Variants in ARID5B observed in about 807,000 individuals in gnomAD.
ARID5B encodes AT-rich interactive domain-containing protein 5B.
In ARID5B, 13 loss-of-function variants were observed where a neutral mutation model predicts 97.2. The ratio of observed to expected loss-of-function variants is 0.13; its 90% CI spans 0.09 to 0.21. ARID5B has a LOEUF of 0.21. Ranked by LOEUF, ARID5B falls within the 10% of genes least tolerant of loss-of-function variation. The probability of loss-of-function intolerance (pLI) is 1.00; values close to 1 mark genes in which losing one functional copy is unlikely to be tolerated. For synonymous variants in ARID5B, 556 were observed against 570.3 expected (o/e 0.97, Z 0.36); for missense variants, 1,210 against 1,465.3 (o/e 0.83, Z 2.84).
intron 5 of ARID5B, among the ~76,000 whole-genome samples, chr10:62,052,551 C>T (rs944926249): frequency 1.3e-5 from 2 of 152,192 alleles, no homozygotes. Context: ...CTTGGAATCA[C>T]CACCAAGGTC....
At chr10:61,980,560 A>T (rs1237836545) in intron 3 of ARID5B, among the ~76,000 whole-genome samples, 1 of 152,236 alleles carries the variant, frequency 6.6e-6, no homozygotes, top group Non-Finnish European at 1.5e-5. Context: ...CTCTTAAACA[A>T]TGTTTCACGT....
chr10:61,924,458 T>C (rs1454627085), intron 2 of ARID5B, among the ~76,000 whole-genome samples: 1 of 152,238 alleles, frequency 6.6e-6, no homozygotes, highest in East Asian at 1.9e-4. Context: ...CTAGAACTTA[T>C]AAATACAAAG....
chr10:62,086,709 A>AACAC (rs1840288491), intron 9 of ARID5B, among the ~76,000 whole-genome samples: 1 of 113,978 alleles, frequency 8.8e-6, no homozygotes, highest in African/African-American at 3.2e-5. Context: ...AAAAAAAAAA[A>AACAC]AAATATCAGG....
At chr10:61,912,407 C>A (rs895111754) in intron 2 of ARID5B, among the ~76,000 whole-genome samples, 8 of 151,934 alleles carry the variant, frequency 5.3e-5, no homozygotes, top group African/African-American at 1.9e-4. Context: ...AAATTGCTAA[C>A]AGAGTAGATC....
At chr10:61,967,821 G>T (rs981059594) in intron 3 of ARID5B, among the ~76,000 whole-genome samples, 2 of 152,126 alleles carry the variant, frequency 1.3e-5, no homozygotes, top group African/African-American at 2.4e-5. Flanking sequence ...TCAACAGAAT[G>T]TTGGAAGTAC....
At chr10:61,901,927 C>G (rs1392639502) in intron 1 of ARID5B, among the ~76,000 whole-genome samples, 197 bp downstream of exon 1, 1 of 151,668 alleles carries the variant, frequency 6.6e-6, no homozygotes, top group Non-Finnish European at 1.5e-5. Context: ...GTAATTTTAC[C>G]GCCTCAAATG....
chr10:62,030,255 G>A (rs1331159472), intron 4 of ARID5B, among the ~76,000 whole-genome samples: 2 of 151,746 alleles, frequency 1.3e-5, no homozygotes, highest in South Asian at 2.1e-4. Context: ...TCAGCCTCCC[G>A]AGTAGCTGGG....
intron 5 of ARID5B, among the ~76,000 whole-genome samples, chr10:62,055,765 A>C (rs1045589563): frequency 2.0e-5 from 3 of 152,224 alleles, no homozygotes; most frequent in Non-Finnish European, 4.4e-5. Context: ...GAAAGATATT[A>C]AACTGTATGT....
At position 62,094,929 on chromosome 10, in the gene ARID5B, G is replaced by A. The variant is rs539243810; in HGVS notation, c.*1899G>A. 75 of 231,016 alleles carry A rather than the reference G, an allele frequency of 3.2e-4. No individual in the cohort carries two copies. The highest frequency in any genetic ancestry group is 1.5e-3 in the African/African-American group (66 of 45,254). The allele number at this position is 231,016 out of a possible 1,614,324, so 14.3% of individuals were successfully genotyped here. On this transcript the variant is annotated 3_prime_UTR_variant, in exon 10 of 10. Transcript: ENST00000279873. The stretch of plus-strand genomic sequence containing the variant: ...TCAAAACTGATAACAATGAAACTGC[G>A]GCTCTTAAACAAAGCCATGCATGCC...
chr10:61,918,999 A>C (rs947734157), intron 2 of ARID5B, among the ~76,000 whole-genome samples: 5 of 141,032 alleles, frequency 3.5e-5, no homozygotes. Flanking sequence ...GTGCCACTGC[A>C]CTGCAACTCC....
At chr10:62,028,402 G>A (rs1839450074) in intron 4 of ARID5B, among the ~76,000 whole-genome samples, 1 of 152,114 alleles carries the variant, frequency 6.6e-6, no homozygotes, top group Non-Finnish European at 1.5e-5. Context: ...TCTCCTTCCA[G>A]GCCACTTTGT....
At chr10:61,995,941 A>G (rs1191111667) in intron 3 of ARID5B, among the ~76,000 whole-genome samples, 2 of 152,132 alleles carry the variant, frequency 1.3e-5, no homozygotes, top group African/African-American at 2.4e-5. Context: ...TTCTGGTCCA[A>G]ACGGGAGGTT....
chr10:62,005,476 A>G (rs1839134649), intron 4 of ARID5B, among the ~76,000 whole-genome samples: 1 of 152,228 alleles, frequency 6.6e-6, no homozygotes, highest in Non-Finnish European at 1.5e-5. Flanking sequence ...TTGTTTTTCA[A>G]TCATGAAGGA....
intron 3 of ARID5B, among the ~76,000 whole-genome samples, chr10:61,980,200 G>T (rs1440582891): frequency 4.6e-5 from 7 of 152,174 alleles, no homozygotes; most frequent in African/African-American, 1.7e-4. Flanking sequence ...TGGAGGAAGG[G>T]GCTCAGGAGG....
intron 3 of ARID5B, among the ~76,000 whole-genome samples, chr10:61,997,167 AG>A (rs1839012285): frequency 6.6e-6 from 1 of 152,074 alleles, no homozygotes; most frequent in Non-Finnish European, 1.5e-5. Flanking sequence ...AGTTGAGAGT[AG>A]GGGGAACTTG....
At chr10:61,983,578 G>C (rs1838805813) in intron 3 of ARID5B, among the ~76,000 whole-genome samples, 1 of 152,034 alleles carries the variant, frequency 6.6e-6, no homozygotes, top group Non-Finnish European at 1.5e-5. Flanking sequence ...CTATTATATA[G>C]ATGTTCTCTG....
intron 2 of ARID5B, among the ~76,000 whole-genome samples, chr10:61,922,336 C>T (rs1308293208): frequency 1.3e-5 from 2 of 152,206 alleles, no homozygotes; most frequent in African/African-American, 2.4e-5. Flanking sequence ...GGCATGGTGG[C>T]TCACGCCTGT....
intron 2 of ARID5B, among the ~76,000 whole-genome samples, chr10:61,923,177 A>G (rs930906645): frequency 6.6e-6 from 1 of 152,318 alleles, no homozygotes; most frequent in Non-Finnish European, 1.5e-5. Context: ...GTAACCATGT[A>G]CCACGTTTCT....
Position 62,094,643 on chromosome 10 carries a change from G to A in ARID5B, c.*1613G>A, listed in dbSNP as rs189285631. On this transcript the variant is annotated 3_prime_UTR_variant, in exon 10 of 10. Transcript: ENST00000279873. ...TTGCCACTGTATTCCATTTGCTACC[G>A]AGATATAACATTAAGGTGGACACAT... 2.6e-5 allele frequency: 6 copies of A among 230,698 alleles called. No individual in the cohort carries two copies. The highest frequency in any genetic ancestry group is 3.4e-5 in the Non-Finnish European group (4 of 116,480). The allele number at this position is 230,698 out of a possible 1,614,324, so 14.3% of individuals were successfully genotyped here.
Sources: allele counts gnomAD v4.1 joint callset (sites outside exome capture counted in the v4.1 genomes callset), GRCh38; gene constraint gnomAD v4.1.1; transcripts MANE v1.5; gene names NCBI Gene and HGNC (gene_info 2026-07-23, HGNC 2026-07-21).